SEMA6D: variants seen among roughly 807,000 people sequenced by gnomAD.
SEMA6D encodes semaphorin 6D.
SEMA6D carries 35 observed loss-of-function variants against 106.6 expected under a neutral mutation model. The ratio of observed to expected loss-of-function variants is 0.33; its 90% CI spans 0.25 to 0.44. The LOEUF (loss-of-function observed/expected upper bound fraction) is 0.44. Among genes scored for constraint, SEMA6D ranks in the 20% least tolerant of loss-of-function variants. The pLI, the probability that SEMA6D is intolerant of heterozygous loss-of-function variation, is 1.00. For missense variants in SEMA6D, 1,185 were observed against 1,345.9 expected, an observed-to-expected ratio of 0.88 and a Z score of 1.87; for synonymous variants, 499 against 487.7, an observed-to-expected ratio of 1.02 and a Z score of -0.31.
chr15:47,709,187 TG>T lies in SEMA6D; in HGVS notation c.-54-50557del, dbSNP rs2078969754. ...GTCACCCTAGGATGAGAGAGTCCCT[TG>T]ACTGAAGGACACAGCTGCTGCAAGT... is the stretch of plus-strand genomic sequence containing the variant. On this transcript the variant is annotated intron_variant, in intron 4 of 19. Transcript: ENST00000558014. Among the ~76,000 whole-genome samples, 5 of 152,206 alleles carry T rather than the reference TG, an allele frequency of 3.3e-5. 1 individual carries two copies. In the South Asian group the frequency reaches 1.0e-3, roughly 32 times the overall value.
chr15:47,662,291 A>C (rs1248852556), intron 4 of SEMA6D, among the ~76,000 whole-genome samples: 1 of 151,506 alleles, frequency 6.6e-6, no homozygotes, highest in Non-Finnish European at 1.5e-5. Context: ...TTGTTTCCTC[A>C]TAGTCTTTGA....
At chr15:47,526,822 C>T (rs1425141433) in intron 3 of SEMA6D, among the ~76,000 whole-genome samples, 4 of 152,174 alleles carry the variant, frequency 2.6e-5, no homozygotes, top group Middle Eastern at 3.4e-3. Flanking sequence ...CTGCAACCTC[C>T]GCCTCCCGGG....
intron 16 of SEMA6D, 90 bp downstream of exon 16, chr15:47,766,767 T>C: frequency 1.1e-6 from 1 of 871,498 alleles, no homozygotes; most frequent in Non-Finnish European, 1.9e-6. Flanking sequence ...TTTTAATGAC[T>C]CAGGACACAT....
intron 2 of SEMA6D, 141 bp downstream of exon 2, chr15:47,760,048 A>G (rs1033600641): frequency 7.0e-6 from 5 of 715,916 alleles, no homozygotes; most frequent in Admixed American, 2.7e-5. Context: ...ATCAGTAATC[A>G]TTTCCTAGTG....
At chr15:47,728,135 G>A (rs1260590198) in intron 1 of SEMA6D, among the ~76,000 whole-genome samples, 1 of 152,186 alleles carries the variant, frequency 6.6e-6, no homozygotes, top group Non-Finnish European at 1.5e-5. Flanking sequence ...TTTGGAAGCA[G>A]ATGCCCTGTA....
chr15:47,627,120 C>T (rs2573564), intron 4 of SEMA6D, among the ~76,000 whole-genome samples: 17,574 of 152,144 alleles, frequency 0.12, 1,221 homozygotes, highest in East Asian at 0.21. Flanking sequence ...TCTCAGATGG[C>T]GGCCCTGACT....
intron 3 of SEMA6D, among the ~76,000 whole-genome samples, chr15:47,519,398 A>G (rs2044497200): frequency 6.6e-6 from 1 of 152,202 alleles, no homozygotes; most frequent in Admixed American, 6.5e-5. Context: ...ACATATATGC[A>G]GTCCATCATT....
intron 3 of SEMA6D, among the ~76,000 whole-genome samples, chr15:47,506,375 C>G (rs536207870): frequency 2.0e-5 from 3 of 151,984 alleles, no homozygotes; most frequent in Non-Finnish European, 4.4e-5. Flanking sequence ...GTGGTGGCAT[C>G]GGAGAAACCT....
intron 3 of SEMA6D, among the ~76,000 whole-genome samples, chr15:47,471,935 A>T (rs866997271): frequency 0.019 from 2,029 of 104,294 alleles, 10 homozygotes; most frequent in African/African-American, 0.026. Context: ...TCTCTCTCAC[A>T]CACACACACA....
chr15:47,280,124 C>G (rs563712901), intron 1 of SEMA6D, among the ~76,000 whole-genome samples: 1 of 152,066 alleles, frequency 6.6e-6, no homozygotes, highest in Non-Finnish European at 1.5e-5. Flanking sequence ...CCTTGTACCT[C>G]TGGTAGAATT....
At chr15:47,201,284 C>T (rs765946020) in intron 1 of SEMA6D, among the ~76,000 whole-genome samples, 1 of 152,182 alleles carries the variant, frequency 6.6e-6, no homozygotes, top group Non-Finnish European at 1.5e-5. Context: ...GCATACATTA[C>T]AGACATCTCT....
chr15:47,378,390 G>A (rs1319943909), intron 1 of SEMA6D, among the ~76,000 whole-genome samples: 3 of 152,168 alleles, frequency 2.0e-5, no homozygotes, highest in African/African-American at 7.2e-5. Flanking sequence ...CACCTACTAA[G>A]GAGGCTGAGG....
At chr15:47,357,800 T>A (rs2038645769) in intron 1 of SEMA6D, among the ~76,000 whole-genome samples, 1 of 152,158 alleles carries the variant, frequency 6.6e-6, no homozygotes, top group Non-Finnish European at 1.5e-5. Context: ...TCCAACCAAG[T>A]TGACACTGAG....
chr15:47,686,258 GA>G (rs943418362), intron 4 of SEMA6D, among the ~76,000 whole-genome samples: 22 of 147,948 alleles, frequency 1.5e-4, no homozygotes, highest in African/African-American at 3.7e-4. Context: ...AAGGCAAAAA[GA>G]AAAAAAAAAC....
chr15:47,626,866 A>G (rs1451820200), intron 4 of SEMA6D, among the ~76,000 whole-genome samples: 1 of 152,202 alleles, frequency 6.6e-6, no homozygotes, highest in African/African-American at 2.4e-5. Flanking sequence ...AAATGCATGC[A>G]GTTTTGTGTG....
chr15:47,324,451 CTT>C (rs1453236707), intron 1 of SEMA6D, among the ~76,000 whole-genome samples: 2 of 151,814 alleles, frequency 1.3e-5, no homozygotes. Context: ...ATAAAAAAGA[CTT>C]AGAATCAGAT....
At chr15:47,345,921 C>T (rs1595782218) in intron 1 of SEMA6D, among the ~76,000 whole-genome samples, 1 of 152,110 alleles carries the variant, frequency 6.6e-6, no homozygotes, top group South Asian at 2.1e-4. Context: ...TAGGTGTATA[C>T]ACATATGCCT....
At chr15:47,721,902 C>T (rs2079443959) in intron 1 of SEMA6D, among the ~76,000 whole-genome samples, 1 of 152,116 alleles carries the variant, frequency 6.6e-6, no homozygotes, top group African/African-American at 2.4e-5. Context: ...TTGGCTACAA[C>T]AGGCTGCTGG....
intron 1 of SEMA6D, among the ~76,000 whole-genome samples, chr15:47,357,589 A>G (rs2413876): frequency 6.6e-6 from 1 of 151,334 alleles, no homozygotes; most frequent in African/African-American, 2.4e-5. Context: ...CACGGGAGAA[A>G]GGTGTAGGAT....
Sources: gnomAD v4.1 joint callset for allele counts (sites outside exome capture counted in the v4.1 genomes callset) on GRCh38, gnomAD v4.1.1 for gene constraint, MANE v1.5 for transcripts, NCBI Gene and HGNC (gene_info 2026-07-23, HGNC 2026-07-21) for gene names.